ASRGL1: variants seen among roughly 807,000 people sequenced by gnomAD.
ASRGL1 encodes the protein asparaginase and isoaspartyl peptidase 1, also known as isoaspartyl peptidase/L-asparaginase.
In ASRGL1, 16 loss-of-function variants were observed where a neutral mutation model predicts 22.4. That is an observed-to-expected ratio of 0.71 (90% CI 0.48 to 1.08). ASRGL1 has a LOEUF of 1.08. ASRGL1 is among the 50% of genes least tolerant of loss of function. The pLI is 0.00. For missense variants in ASRGL1, 412 were observed against 410.1 expected, an observed-to-expected ratio of 1.00 and a Z score of -0.04; for synonymous variants, 165 against 159.3, an observed-to-expected ratio of 1.04 and a Z score of -0.27.
Position 62,356,446 on chromosome 11 carries a change from T to TG in ASRGL1, c.313dup (p.Ala105GlyfsTer15). The TG allele has an allele frequency of 6.2e-7, 1 of 1,614,194 alleles. No individual in the cohort carries two copies. The highest frequency in any genetic ancestry group is 8.5e-7 in the Non-Finnish European group (1 of 1,180,024). ...AGTGTATAGCAAATCCCATTAAACT[T>TG]GCTCGGCTTGTCATGGAAAAGGTAT... On this transcript the variant is annotated frameshift_variant, in exon 3 of 7. Transcript: ENST00000415229. LOFTEE classifies it high-confidence loss of function.
chr11:62,399,253 C>G, the ASRGL1 span, among the ~76,000 whole-genome samples: 2 of 152,338 alleles, frequency 1.3e-5, no homozygotes, highest in South Asian at 2.1e-4. Context: ...GTCCACTGCT[C>G]TCAAGCACAA....
chr11:62,382,297 T>G (rs901005072), intron 4 of ASRGL1: 1 of 151,982 alleles, frequency 6.6e-6, no homozygotes, highest in Admixed American at 6.6e-5. Flanking sequence ...GTTCCCTCAG[T>G]ATTTACTGAT....
intron 4 of ASRGL1, chr11:62,372,388 C>T: frequency 1.9e-6 from 3 of 1,559,424 alleles, no homozygotes; most frequent in Non-Finnish European, 1.8e-6. Flanking sequence ...ACCAAAATGG[C>T]CTGTGAGGCT....
At chr11:62,397,370 CA>C (rs1287567153), downstream of ASRGL1, among the ~76,000 whole-genome samples, 1 of 150,782 alleles carries the variant, frequency 6.6e-6, no homozygotes, top group Admixed American at 6.6e-5. Context: ...AAAAAAACAA[CA>C]AAAAATGGGG....
Position 62,372,154 on chromosome 11 carries a change from G to A in ASRGL1, c.491+15010G>A, listed in dbSNP as rs1461101178. On this transcript the variant is annotated intron_variant, in intron 4 of 6. Transcript: ENST00000415229. Reference sequence around the variant, plus strand: ...GCTGGGGTCGAAATGAGAAGGCGCAGCTGGGACATGGTGACACCAAGAGAG... The same window carrying A: ...GCTGGGGTCGAAATGAGAAGGCGCAACTGGGACATGGTGACACCAAGAGAG... The A allele has an allele frequency of 3.4e-6, 3 of 893,328 alleles. No homozygotes were observed. In the Admixed American group the frequency reaches 5.2e-5, roughly 15 times the overall value. The allele number at this position is 893,328 out of a possible 1,614,324, so 55.3% of individuals were successfully genotyped here.
chr11:62,343,522 G>T (rs1945924095), intron 2 of ASRGL1, among the ~76,000 whole-genome samples: 2 of 151,880 alleles, frequency 1.3e-5, no homozygotes, highest in African/African-American at 4.8e-5. Flanking sequence ...AAGGTCAGGG[G>T]TTTGAGACCA....
At chr11:62,342,007 G>T (rs1945875655) in intron 2 of ASRGL1, among the ~76,000 whole-genome samples, 1 of 152,112 alleles carries the variant, frequency 6.6e-6, no homozygotes. Flanking sequence ...TTGTTGAAAG[G>T]GTACACTTGT....
At chr11:62,355,511 G>C (rs570672031) in intron 2 of ASRGL1, among the ~76,000 whole-genome samples, 1 of 151,968 alleles carries the variant, frequency 6.6e-6, no homozygotes, top group East Asian at 1.9e-4. Context: ...GGCATAAGCC[G>C]CTGTGCCCGG....
At chr11:62,382,739 A>G (rs1211331621) in intron 4 of ASRGL1, 1 of 152,330 alleles carries the variant, frequency 6.6e-6, no homozygotes, top group Non-Finnish European at 1.5e-5. Context: ...ATCTCAGGCT[A>G]TCACATGGGG....
At chr11:62,385,576 A>AT (rs533820844) in intron 4 of ASRGL1, among the ~76,000 whole-genome samples, 39 of 152,288 alleles carry the variant, frequency 2.6e-4, no homozygotes, top group Admixed American at 1.6e-3. Context: ...CACATAAAAG[A>AT]TTTTAGGGCC....
intron 4 of ASRGL1, among the ~76,000 whole-genome samples, chr11:62,376,039 T>A (rs557815543): frequency 1.4e-5 from 2 of 143,324 alleles, no homozygotes; most frequent in Non-Finnish European, 3.0e-5. Context: ...GAAGTGGAGG[T>A]TGCCATGAGC....
intron 4 of ASRGL1, chr11:62,372,891 A>C: frequency 6.3e-7 from 1 of 1,595,856 alleles, no homozygotes; most frequent in Non-Finnish European, 8.6e-7. Context: ...GGACCTCTGC[A>C]GCTGGAGAAT....
At chr11:62,340,473 C>T (rs901380065) in intron 2 of ASRGL1, among the ~76,000 whole-genome samples, 3 of 152,198 alleles carry the variant, frequency 2.0e-5, no homozygotes, top group Non-Finnish European at 4.4e-5. Context: ...CACTTATTTA[C>T]ACAGGACCTT....
chr11:62,372,161 C>A (rs558530775), intron 4 of ASRGL1: 11 of 910,710 alleles, frequency 1.2e-5, no homozygotes, highest in Non-Finnish European at 1.8e-5. Flanking sequence ...GCAGCTGGGA[C>A]ATGGTGACAC....
chr11:62,391,742 G>C, intron 6 of ASRGL1, 110 bp downstream of exon 6: 1 of 1,382,564 alleles, frequency 7.2e-7, no homozygotes, highest in Non-Finnish European at 9.7e-7. Context: ...GTTGGCTACA[G>C]ATGTTGCTTT....
chr11:62,400,516 C>T, the ASRGL1 span, among the ~76,000 whole-genome samples: 12 of 152,156 alleles, frequency 7.9e-5, no homozygotes, highest in Non-Finnish European at 1.2e-4. Flanking sequence ...AGCAGGGGCG[C>T]GGCTATTTCT....
At chr11:62,360,954 A>G (rs938071077) in intron 4 of ASRGL1, among the ~76,000 whole-genome samples, 3 of 152,234 alleles carry the variant, frequency 2.0e-5, no homozygotes, top group African/African-American at 7.2e-5. Flanking sequence ...CATTCTTTTC[A>G]TGACACCGTC....
intron 2 of ASRGL1, among the ~76,000 whole-genome samples, chr11:62,353,404 G>T (rs1946211799): frequency 6.6e-6 from 1 of 150,836 alleles, no homozygotes. Flanking sequence ...GAGTACGGTG[G>T]TGTGATCACA....
rs4281490 is a variant in ASRGL1, at chr11:62,392,454, G to C, written c.*170G>C. ...TTGGTTGTGGGGCGGGTTCTGAAGC[G>C]ATGAGAGAAATGCCCGTATTAGGAG... is the stretch of plus-strand genomic sequence containing the variant. On this transcript the variant is annotated 3_prime_UTR_variant, in exon 7 of 7. Transcript: ENST00000415229. 1.3e-6 allele frequency: 1 copy of C among 777,746 alleles called. No individual in the cohort carries two copies. The highest frequency in any genetic ancestry group is 2.0e-6 in the Non-Finnish European group (1 of 491,352). The allele number at this position is 777,746 out of a possible 1,614,324, so 48.2% of individuals were successfully genotyped here. A position where few individuals can be genotyped will look rare whatever the true frequency, so the allele number is the denominator to read the frequency against.
Sources: allele counts gnomAD v4.1 joint callset (sites outside exome capture counted in the v4.1 genomes callset), GRCh38; gene constraint gnomAD v4.1.1; transcripts MANE v1.5; gene names NCBI Gene and HGNC (gene_info 2026-07-23, HGNC 2026-07-21).